Variants in USP15 observed in about 807,000 individuals in gnomAD.
USP15 encodes the protein ubiquitin specific peptidase 15.
USP15 carries 18 observed loss-of-function variants against 127.1 expected under a neutral mutation model. The ratio of observed to expected loss-of-function variants is 0.14; its 90% CI spans 0.10 to 0.21. The LOEUF (loss-of-function observed/expected upper bound fraction) is 0.21. USP15 is among the 10% of genes least tolerant of loss of function. The pLI is 1.00. For synonymous variants in USP15, 364 were observed against 393.7 expected (o/e 0.92, Z 0.89); for missense variants, 805 against 1,159.9 (o/e 0.69, Z 4.44).
At chr12:62,384,362 A>C in intron 11 of USP15, 60 bp downstream of exon 11, 1 of 1,180,700 alleles carries the variant, frequency 8.5e-7, no homozygotes, top group Non-Finnish European at 1.1e-6. Flanking sequence ...TGTTATTTTT[A>C]TTAAAAAATT....
At chr12:62,392,514 A>C in intron 18 of USP15, 127 bp downstream of exon 18, 1 of 673,250 alleles carries the variant, frequency 1.5e-6, no homozygotes, top group East Asian at 3.0e-5. Flanking sequence ...AGGATTCTTT[A>C]TATAAGTTGT....
chr12:62,335,760 C>T (rs1404946087), intron 6 of USP15: 5 of 985,250 alleles, frequency 5.1e-6, no homozygotes, highest in Middle Eastern at 5.2e-4. Context: ...CTTAATGTTG[C>T]TTGCCACCCA....
chr12:62,276,871 GAATA>G (rs2063506508), intron 1 of USP15, among the ~76,000 whole-genome samples: 1 of 152,012 alleles, frequency 6.6e-6, no homozygotes, highest in African/African-American at 2.4e-5. Flanking sequence ...AAAAAGTAAT[GAATA>G]AAAACTGTGC....
chr12:62,261,576 A>G (rs1342694845), intron 1 of USP15, among the ~76,000 whole-genome samples: 1 of 152,198 alleles, frequency 6.6e-6, no homozygotes, highest in Non-Finnish European at 1.5e-5. Context: ...TATGGCTTTG[A>G]GGAGAGTTAA....
intron 6 of USP15, among the ~76,000 whole-genome samples, chr12:62,333,401 G>A (rs753998220): frequency 5.1e-4 from 77 of 152,002 alleles, no homozygotes; most frequent in Non-Finnish European, 5.3e-4. Flanking sequence ...CAAGTAGCTG[G>A]GACTACAGGC....
chr12:62,319,292 T>G (rs2064920369), intron 4 of USP15, among the ~76,000 whole-genome samples: 1 of 152,180 alleles, frequency 6.6e-6, no homozygotes, highest in Non-Finnish European at 1.5e-5. Context: ...CATGATCCAG[T>G]CATCTCCCAC....
intron 6 of USP15, among the ~76,000 whole-genome samples, chr12:62,338,085 A>G (rs1332309223): frequency 2.0e-5 from 3 of 152,166 alleles, no homozygotes; most frequent in East Asian, 1.9e-4. Context: ...GAACTAATTT[A>G]CGGTCCCACC....
chr12:62,301,048 G>T (rs2064302671), intron 2 of USP15, among the ~76,000 whole-genome samples: 1 of 151,980 alleles, frequency 6.6e-6, no homozygotes. Flanking sequence ...AAAGCCCAAT[G>T]GAAAAAGTAG....
chr12:62,308,164 AT>A (rs1279048377), intron 3 of USP15, among the ~76,000 whole-genome samples: 1 of 152,044 alleles, frequency 6.6e-6, no homozygotes, highest in Non-Finnish European at 1.5e-5. Flanking sequence ...AAAATTTATA[AT>A]TTGTCAATTA....
chr12:62,322,059 A>G (rs75263212), intron 5 of USP15, among the ~76,000 whole-genome samples: 3,363 of 152,292 alleles, frequency 0.022, 123 homozygotes, highest in African/African-American at 0.075. Flanking sequence ...TATTTATATA[A>G]ATGTGCAGCA....
In USP15 at chr12:62,413,158, T is replaced by C. The variant is rs2068077177; in HGVS notation, c.*8783T>C. The stretch of plus-strand genomic sequence containing the variant: ...AGTAATATTTTGAAAGGAATCTTTT[T>C]CTGAGCAATAGATCTCCGCAGTGGG... On this transcript the variant is annotated 3_prime_UTR_variant, in exon 22 of 22. Transcript: ENST00000280377. 6.6e-6 allele frequency: 1 copy of C among 152,202 alleles called. No individual in the cohort carries two copies. Among genetic ancestry groups the C allele is most frequent in the Non-Finnish European group, 1.5e-5 (1 of 68,028 alleles). 9.4% of individuals were successfully genotyped at this position (152,202 alleles called of 1,614,324 possible). A position where few individuals can be genotyped will look rare whatever the true frequency, so the allele number is the denominator to read the frequency against.
At chr12:62,335,888 A>G (rs2065445922) in intron 6 of USP15, 1 of 985,276 alleles carries the variant, frequency 1.0e-6, no homozygotes, top group African/African-American at 1.7e-5. Flanking sequence ...TGAATGCATG[A>G]TACGACCTTT....
At chr12:62,397,552 C>CT (rs543582903) in intron 20 of USP15, among the ~76,000 whole-genome samples, 18 of 147,964 alleles carry the variant, frequency 1.2e-4, no homozygotes, top group East Asian at 5.8e-4. Context: ...TTCTTTTTCT[C>CT]TTTTTTTTTT....
In USP15 at chr12:62,410,025, T is replaced by G. The variant is rs1404079582; in HGVS notation, c.*5650T>G. 1 of 152,170 alleles carries G rather than the reference T, an allele frequency of 6.6e-6. No individual in the cohort carries two copies. The highest frequency in any genetic ancestry group is 1.5e-5 in the Non-Finnish European group (1 of 68,014). The allele number at this position is 152,170 out of a possible 1,614,324, so 9.4% of individuals were successfully genotyped here. ...TTTTAAGTAATTTAGACTAATGTAT[T>G]AAAGTGTTCACTTATGTCTAGTCAT... On this transcript the variant is annotated 3_prime_UTR_variant, in exon 22 of 22. Coordinates refer to ENST00000280377, the MANE Select transcript of USP15 (RefSeq NM_001252078.2).
At chr12:62,352,399 T>A (rs558291732) in intron 7 of USP15, among the ~76,000 whole-genome samples, 1 of 152,178 alleles carries the variant, frequency 6.6e-6, no homozygotes, top group South Asian at 2.1e-4. Flanking sequence ...AGTACATTTT[T>A]AAATATCTGT....
chr12:62,376,419 A>G (rs1446777408), intron 8 of USP15, among the ~76,000 whole-genome samples: 3 of 152,142 alleles, frequency 2.0e-5, no homozygotes, highest in African/African-American at 7.2e-5. Context: ...ATGTGGCTTA[A>G]GAAATATGTT....
chr12:62,319,310 C>G (rs2064921162), intron 4 of USP15, among the ~76,000 whole-genome samples: 1 of 152,184 alleles, frequency 6.6e-6, no homozygotes, highest in Admixed American at 6.5e-5. Flanking sequence ...CACCAGGTGC[C>G]TCCTCAAACA....
intron 1 of USP15, among the ~76,000 whole-genome samples, chr12:62,266,292 A>G (rs906775377): frequency 2.6e-5 from 4 of 152,158 alleles, no homozygotes; most frequent in Admixed American, 2.0e-4. Context: ...CTTGGTCCAT[A>G]TTTTAAAAGT....
chr12:62,291,823 A>G (rs1036166810), intron 1 of USP15, among the ~76,000 whole-genome samples: 1 of 152,192 alleles, frequency 6.6e-6, no homozygotes, highest in African/African-American at 2.4e-5. Context: ...ATAGTGGTAT[A>G]CTTGGCTTGT....
Sources: gnomAD v4.1 joint callset for allele counts (sites outside exome capture counted in the v4.1 genomes callset) on GRCh38, gnomAD v4.1.1 for gene constraint, MANE v1.5 for transcripts, NCBI Gene and HGNC (gene_info 2026-07-23, HGNC 2026-07-21) for gene names.